The following RMND5A variants were observed in gnomAD, a reference collection of about 807,000 sequenced individuals.
RMND5A encodes required for meiotic nuclear division 5 homolog A.
A neutral mutation model predicts 49.7 loss-of-function variants in RMND5A; 17 were observed. The observed-to-expected ratio is 0.34, with a 90% CI of 0.23 to 0.51. RMND5A has a LOEUF of 0.51. Ranked by LOEUF, RMND5A falls within the 20% of genes least tolerant of loss-of-function variation. RMND5A has a pLI of 0.96. For synonymous variants in RMND5A, 156 were observed against 167.7 expected, an observed-to-expected ratio of 0.93 and a Z score of 0.54; for missense variants, 255 against 471.3, an observed-to-expected ratio of 0.54 and a Z score of 4.25.
intron 4 of RMND5A, among the ~76,000 whole-genome samples, chr2:86,754,256 A>G (rs1681691385): frequency 6.6e-6 from 1 of 152,266 alleles, no homozygotes; most frequent in Non-Finnish European, 1.5e-5. Flanking sequence ...CAAAACAGGC[A>G]GCAAGCTGTA....
chr2:86,762,754 T>G lies in RMND5A; in HGVS notation c.522-2273T>G, dbSNP rs1269173627. Among the ~76,000 whole-genome samples the G allele has an allele frequency of 2.2e-5, 3 of 136,548 alleles. No homozygotes were observed. The East Asian group carries it at 6.7e-4, about 30-fold the overall frequency. The allele number at this position is 136,548 out of a possible 152,430, so 89.6% of individuals were successfully genotyped here. A position where few individuals can be genotyped will look rare whatever the true frequency, so the allele number is the denominator to read the frequency against. On this transcript the variant is annotated intron_variant, in intron 4 of 8. Transcript: ENST00000283632. Reference sequence around the variant, plus strand: ...TATATATCATATATATATATCACACTTTCAAGCTGAGCACAATTGCTCACA... The same window carrying G: ...TATATATCATATATATATATCACACGTTCAAGCTGAGCACAATTGCTCACA...
At chr2:86,758,556 A>G (rs185718896) in intron 4 of RMND5A, among the ~76,000 whole-genome samples, 100 of 152,276 alleles carry the variant, frequency 6.6e-4, no homozygotes, top group African/African-American at 2.3e-3. Context: ...GACCACTCCT[A>G]TGTGTAGCTC....
At position 86,721,943 on chromosome 2, in the gene RMND5A, A is replaced by G. The variant is rs1359044302; in HGVS notation, c.142+1134A>G. Reference sequence around the variant, plus strand: ...GAGGATGGGTGCTGGTCCATGGGAAAGGAGTCTTACAGCAGCTTCTCATTC... The same window carrying G: ...GAGGATGGGTGCTGGTCCATGGGAAGGGAGTCTTACAGCAGCTTCTCATTC... On this transcript the variant is annotated intron_variant, in intron 1 of 8. Transcript: ENST00000283632. Among the ~76,000 whole-genome samples, 10 of 126,264 alleles carry G rather than the reference A, an allele frequency of 7.9e-5. No homozygotes were observed. The East Asian group carries it at 2.2e-3, about 28-fold the overall frequency. 82.8% of individuals were successfully genotyped at this position (126,264 alleles called of 152,430 possible).
At chr2:86,742,670 A>G (rs2104390244) in intron 2 of RMND5A, among the ~76,000 whole-genome samples, 2 of 152,068 alleles carry the variant, frequency 1.3e-5, no homozygotes, top group South Asian at 4.2e-4. Flanking sequence ...GGTGTCTAAG[A>G]AGATTCACAT....
chr2:86,755,827 T>C (rs1185554238), intron 4 of RMND5A, among the ~76,000 whole-genome samples: 1 of 152,204 alleles, frequency 6.6e-6, no homozygotes, highest in African/African-American at 2.4e-5. Context: ...TTCATGTTTC[T>C]GGGAGTAGTG....
intron 8 of RMND5A, among the ~76,000 whole-genome samples, chr2:86,772,204 C>T (rs1184975728): frequency 6.6e-6 from 1 of 152,180 alleles, no homozygotes; most frequent in Admixed American, 6.5e-5. Context: ...AATCCCAGCA[C>T]TGTGGGAGGC....
rs567343939 is a variant in RMND5A, at chr2:86,765,917, A to G, written c.747A>G (p.Pro249=). 8 of 1,614,152 alleles carry G rather than the reference A, an allele frequency of 5.0e-6. No individual in the cohort carries two copies. Among genetic ancestry groups the G allele is most frequent in the East Asian group, 2.2e-5 (1 of 44,886 alleles). ...TGAGACAAGGGATTGAGAACTCACC[A>G]TATGTTCACCTACTTGATGCAAACC... ...VYLRQGIENS[P]YVHLLDANQW... is the part of the protein sequence containing the mutation. Residue 249 remains proline (P), a synonymous_variant, in exon 6 of 9, where the codon CCA becomes CCG. Transcript: ENST00000283632.
chr2:86,729,049 G>A (rs1430079156), intron 1 of RMND5A, among the ~76,000 whole-genome samples: 2 of 152,094 alleles, frequency 1.3e-5, no homozygotes, highest in East Asian at 1.9e-4. Flanking sequence ...CCACCACGCC[G>A]GGCCCAAGCA....
chr2:86,766,546 C>T (rs1672597958), intron 6 of RMND5A, among the ~76,000 whole-genome samples: 1 of 151,714 alleles, frequency 6.6e-6, no homozygotes, highest in Non-Finnish European at 1.5e-5. Flanking sequence ...TACCTTTAAT[C>T]CCAGCTAGTC....
At chr2:86,766,691 A>T (rs891408469) in intron 6 of RMND5A, among the ~76,000 whole-genome samples, 5 of 151,744 alleles carry the variant, frequency 3.3e-5, no homozygotes, top group Admixed American at 3.3e-4. Flanking sequence ...AAGAAAAGAA[A>T]AAAAGAATAT....
Position 86,740,904 on chromosome 2 carries a change from ATCCT to A in RMND5A, c.143-17_143-14del. ...TTGGGTTTGCTTAAGTGAGTAACCA[ATCCT>A]TCCTTTGTTTTTTTATAGGCCAAGA... On this transcript the variant is annotated intron_variant, in intron 1 of 8. Coordinates refer to ENST00000283632, the MANE Select transcript of RMND5A (RefSeq NM_022780.4). 2.5e-6 allele frequency: 4 copies of A among 1,611,160 alleles called. No individual in the cohort carries two copies. In the Middle Eastern group the frequency reaches 5.0e-4, roughly 200 times the overall value.
chr2:86,759,122 C>T (rs531671709), intron 4 of RMND5A, among the ~76,000 whole-genome samples: 1 of 152,224 alleles, frequency 6.6e-6, no homozygotes, highest in Admixed American at 6.5e-5. Context: ...AGACACCCAC[C>T]CAGGCTGGCA....
At chr2:86,748,806 G>A (rs1681582224) in intron 2 of RMND5A, among the ~76,000 whole-genome samples, 1 of 152,196 alleles carries the variant, frequency 6.6e-6, no homozygotes, top group South Asian at 2.1e-4. Flanking sequence ...GAGCTGACCA[G>A]CGTGTCTTCC....
chr2:86,720,869 C>T (rs1447112548), intron 1 of RMND5A, 60 bp downstream of exon 1: 2 of 1,461,730 alleles, frequency 1.4e-6, no homozygotes, highest in African/African-American at 1.5e-5. Context: ...CGGTCCCGGC[C>T]CCGCGGCGGG....
At chr2:86,747,731 A>G (rs1451822412) in intron 2 of RMND5A, among the ~76,000 whole-genome samples, 1 of 152,212 alleles carries the variant, frequency 6.6e-6, no homozygotes, top group Non-Finnish European at 1.5e-5. Flanking sequence ...TATAAAATAT[A>G]TTTGAGAAAC....
At chr2:86,762,036 A>T (rs1212841223) in intron 4 of RMND5A, among the ~76,000 whole-genome samples, 2 of 152,194 alleles carry the variant, frequency 1.3e-5, no homozygotes, top group African/African-American at 2.4e-5. Flanking sequence ...CTGTTCATTT[A>T]AAAAAAGGAA....
chr2:86,773,364 T>G lies in RMND5A; in HGVS notation c.1129T>G (p.Cys377Gly). Reference protein sequence around the residue: ...FNGSKLKCPYCPMEQSPGDAK... With the variant: ...FNGSKLKCPYGPMEQSPGDAK... ...TGTCTTTAGATTAAAATGTCCCTAC[T>G]GTCCAATGGAACAAAGTCCAGGAGA... Residue 377 changes from cysteine to glycine, a missense_variant, in exon 9 of 9, where the codon TGT becomes GGT. Physicochemically the swap from Cys to Gly is radical, Grantham distance 159. Around this residue, in one of 3 missense-constraint regions of RMND5A, gnomAD observed 208 missense variants for 339.8 expected, o/e 0.61. Transcript: ENST00000283632. 1 of 1,606,356 alleles carries G rather than the reference T, an allele frequency of 6.2e-7. No homozygotes were observed. Among genetic ancestry groups the G allele is most frequent in the Non-Finnish European group, 8.5e-7 (1 of 1,173,148 alleles).
chr2:86,776,163 C>T lies in RMND5A; in HGVS notation c.*2752C>T, dbSNP rs908461634. The T allele has an allele frequency of 2.0e-5, 3 of 152,138 alleles. No homozygotes were observed. The highest frequency in any genetic ancestry group is 1.3e-4 in the Admixed American group (2 of 15,280). The allele number at this position is 152,138 out of a possible 1,614,324, so 9.4% of individuals were successfully genotyped here. ...GCAAATCTTTAGATTCTGACTTAGC[C>T]AGAGCATCTGAGTGTTCAAGTACAG... On this transcript the variant is annotated 3_prime_UTR_variant, in exon 9 of 9. Coordinates refer to ENST00000283632, the MANE Select transcript of RMND5A (RefSeq NM_022780.4).
At chr2:86,728,056 G>A (rs1681298231) in intron 1 of RMND5A, among the ~76,000 whole-genome samples, 1 of 85,154 alleles carries the variant, frequency 1.2e-5, no homozygotes, top group East Asian at 7.1e-4. Flanking sequence ...CAGGCTGTGT[G>A]TTATTTATGA....
Sources: allele counts gnomAD v4.1 joint callset (sites outside exome capture counted in the v4.1 genomes callset), GRCh38; gene constraint gnomAD v4.1.1; regional missense constraint gnomAD v4.1.1; transcripts MANE v1.5; gene names NCBI Gene and HGNC (gene_info 2026-07-23, HGNC 2026-07-21).